The following AKAP12 variants were observed in gnomAD, a reference collection of about 807,000 sequenced individuals.
AKAP12 encodes the protein A-kinase anchoring protein 12, also known as A-kinase anchor protein 12.
Under a neutral mutation model 79.9 loss-of-function variants are expected in AKAP12, and 32 were observed. The observed-to-expected ratio is 0.40, with a 90% CI of 0.30 to 0.54. The LOEUF (loss-of-function observed/expected upper bound fraction) is 0.54. Ranked by LOEUF, AKAP12 falls within the 20% of genes least tolerant of loss-of-function variation. The pLI, the probability that AKAP12 is intolerant of heterozygous loss-of-function variation, is 0.48. For missense variants in AKAP12, 2,074 were observed against 2,177.0 expected (o/e 0.95, Z 0.94); for synonymous variants, 808 against 857.0 (o/e 0.94, Z 1.00).
At chr6:151,316,956 A>G (rs1350654853) in intron 3 of AKAP12, among the ~76,000 whole-genome samples, 1 of 152,158 alleles carries the variant, frequency 6.6e-6, no homozygotes, top group Non-Finnish European at 1.5e-5. Context: ...TGTTCTTATT[A>G]GGGCCCAGGC....
chr6:151,259,159 C>T (rs1184871547), intron 2 of AKAP12, among the ~76,000 whole-genome samples: 1 of 151,438 alleles, frequency 6.6e-6, no homozygotes, highest in Non-Finnish European at 1.5e-5. Flanking sequence ...ATTCTTGTGC[C>T]TCAGCTTCCC....
intron 2 of AKAP12, among the ~76,000 whole-genome samples, chr6:151,261,582 G>A (rs1291173922): frequency 1.3e-5 from 2 of 150,096 alleles, no homozygotes; most frequent in East Asian, 2.0e-4. Context: ...GTGCCTGTAA[G>A]CCCAGCTGCT....
At position 151,357,184 on chromosome 6, in the gene AKAP12, GTTT is replaced by G. The variant is rs1400086555; in HGVS notation, c.*1471_*1473del. The G allele has an allele frequency of 5.8e-4, 13 of 22,422 alleles. No homozygotes were observed. The highest frequency in any genetic ancestry group is 1.6e-3 in the African/African-American group (11 of 6,858). 1.4% of individuals were successfully genotyped at this position (22,422 alleles called of 1,614,324 possible). A position where few individuals can be genotyped will look rare whatever the true frequency, so the allele number is the denominator to read the frequency against. On this transcript the variant is annotated 3_prime_UTR_variant, in exon 5 of 5. Coordinates refer to ENST00000402676, the MANE Select transcript of AKAP12 (RefSeq NM_005100.4). Reference sequence around the variant, plus strand: ...TAATACATTGAGGGTTTGTTTTTTTGTTTGTTTGTTTGTTTGTTTTTGAGACAG... The same window carrying G: ...TAATACATTGAGGGTTTGTTTTTTTGGTTTGTTTGTTTGTTTTTGAGACAG...
At chr6:151,295,944 T>A (rs1479675405) in intron 2 of AKAP12, among the ~76,000 whole-genome samples, 2 of 152,208 alleles carry the variant, frequency 1.3e-5, no homozygotes, top group Non-Finnish European at 2.9e-5. Context: ...TCAGATGAAC[T>A]CAGTCGAGCT....
chr6:151,320,004 A>C (rs1777337494), intron 3 of AKAP12: 1 of 152,188 alleles, frequency 6.6e-6, no homozygotes, highest in Non-Finnish European at 1.5e-5. Flanking sequence ...TTAAAGAGAA[A>C]ATGAGAGGAG....
rs551017698 is a variant in AKAP12 at position 151,250,223 on chromosome 6, G to A, written c.162+9499G>A. 7.9e-5 allele frequency among the ~76,000 whole-genome samples: 12 copies of A among 152,266 alleles called. No homozygotes were observed. The South Asian group carries it at 2.5e-3, about 32-fold the overall frequency. On this transcript the variant is annotated intron_variant, in intron 2 of 4. Coordinates refer to ENST00000402676, the MANE Select transcript of AKAP12 (RefSeq NM_005100.4). ...TCAAAAAAATAAATAAATAGGCTGG[G>A]CGTTGTGGCTCACGCGTGTAATCCC...
At chr6:151,274,714 G>T (rs1413263781) in intron 2 of AKAP12, among the ~76,000 whole-genome samples, 4 of 152,152 alleles carry the variant, frequency 2.6e-5, no homozygotes, top group African/African-American at 9.7e-5. Flanking sequence ...TGAGTTGGGG[G>T]CATCTCACAA....
rs1205320509 is a variant in AKAP12 at position 151,352,681 on chromosome 6, C to T, written c.4290C>T (p.Val1430=). The T allele has an allele frequency of 1.2e-6, 2 of 1,614,166 alleles. No individual in the cohort carries two copies. Among genetic ancestry groups the T allele is most frequent in the Non-Finnish European group, 1.7e-6 (2 of 1,180,024 alleles). Residue 1430 remains valine, a synonymous_variant, in exon 4 of 5, where the codon GTC becomes GTT. Coordinates refer to ENST00000402676, the MANE Select transcript of AKAP12 (RefSeq NM_005100.4). ...CAGCGGCTGCAGAGGAGGAAAAGGT[C>T]TTAGGAGAAACTGCCAACATTTTAG... ...TLTAAAEEEK[V]LGETANILET... is the part of the protein sequence containing the mutation.
chr6:151,315,897 C>T (rs1777222768), intron 3 of AKAP12, among the ~76,000 whole-genome samples: 3 of 151,994 alleles, frequency 2.0e-5, no homozygotes, highest in African/African-American at 7.3e-5. Flanking sequence ...GGGAAGAACC[C>T]CTTATAAAAC....
Position 151,353,715 on chromosome 6 carries a change from C to T in AKAP12, c.5324C>T (p.Ala1775Val). 6.3e-7 allele frequency: 1 copy of T among 1,598,534 alleles called. No homozygotes were observed. Among genetic ancestry groups the T allele is most frequent in the Non-Finnish European group, 8.5e-7 (1 of 1,173,612 alleles). The change falls in exon 4 of 5, where the codon GCA becomes GTA. Residue 1775 changes from alanine (A) to valine (V), a missense_variant. Coordinates refer to ENST00000402676, the MANE Select transcript of AKAP12 (RefSeq NM_005100.4). ...TTACAGAAACAAGAGAGAGAATCTG[C>T]AAAGTCAGAACTTACAGAATCTTAA... ...EELQKQERES[A>V]KSELTES
At chr6:151,348,529 C>T (rs558166685) in intron 3 of AKAP12, 182 bp from the exon 4 acceptor site, 1 of 620,630 alleles carries the variant, frequency 1.6e-6, no homozygotes, top group South Asian at 1.8e-5. Flanking sequence ...GTCCCAGCTA[C>T]TCGGGATGCT....
rs568471230 is a variant in AKAP12 at position 151,342,802 on chromosome 6, G to A, written c.320-5909G>A. 9.2e-5 allele frequency among the ~76,000 whole-genome samples: 14 copies of A among 152,226 alleles called. 1 individual carries two copies. The South Asian group carries it at 2.7e-3, about 29-fold the overall frequency. ...GCTACCTTAGATACTGATGGCAGTCGCCCAGGCTGGAGTGCAGTAGTGTGA... is the reference window on the plus strand; with the variant it reads ...GCTACCTTAGATACTGATGGCAGTCACCCAGGCTGGAGTGCAGTAGTGTGA... On this transcript the variant is annotated intron_variant, in intron 3 of 4. Coordinates refer to ENST00000402676, the MANE Select transcript of AKAP12 (RefSeq NM_005100.4).
chr6:151,340,888 T>A (rs1373017219), intron 3 of AKAP12, among the ~76,000 whole-genome samples: 2 of 152,222 alleles, frequency 1.3e-5, no homozygotes, highest in Non-Finnish European at 2.9e-5. Flanking sequence ...AACATTTTGA[T>A]CAGCAGAGCT....
Position 151,350,201 on chromosome 6 carries a change from A to G in AKAP12, c.1810A>G (p.Arg604Gly). ...EGATSDGEKK[R>G]EGVTPWASFK... Reference sequence around the variant, plus strand: ...AGCTACTTCCGATGGAGAGAAAAAAAGAGAAGGTGTCACTCCCTGGGCATC... The same window carrying G: ...AGCTACTTCCGATGGAGAGAAAAAAGGAGAAGGTGTCACTCCCTGGGCATC... Residue 604 changes from arginine to glycine, a missense_variant, in exon 4 of 5, where the codon AGA becomes GGA. Arg to Gly is a moderately radical substitution (Grantham distance 125). Coordinates refer to ENST00000402676, the MANE Select transcript of AKAP12 (RefSeq NM_005100.4). This position sits in a 1 kb window ranked among gnomAD's most constrained non-coding sequence, Gnocchi z 4.8. The G allele has an allele frequency of 1.2e-6, 2 of 1,614,028 alleles. No individual in the cohort carries two copies. The highest frequency in any genetic ancestry group is 1.7e-6 in the Non-Finnish European group (2 of 1,179,982).
intron 3 of AKAP12, among the ~76,000 whole-genome samples, chr6:151,327,469 A>G (rs1025026833): frequency 6.6e-6 from 1 of 152,168 alleles, no homozygotes; most frequent in African/African-American, 2.4e-5. Context: ...GAAATATGCA[A>G]ATGTGTATTG....
At chr6:151,332,715 G>A (rs978483132) in intron 3 of AKAP12, among the ~76,000 whole-genome samples, 11 of 152,214 alleles carry the variant, frequency 7.2e-5, no homozygotes, top group African/African-American at 2.7e-4. Flanking sequence ...GAAAAGACCA[G>A]TGACTAGCAG....
intron 3 of AKAP12, among the ~76,000 whole-genome samples, chr6:151,320,897 C>T (rs965672485): frequency 6.6e-6 from 1 of 152,124 alleles, no homozygotes; most frequent in Non-Finnish European, 1.5e-5. Context: ...GCAGTTGACC[C>T]ATTTAAAGTA....
chr6:151,262,669 A>G (rs1442718760), intron 2 of AKAP12, among the ~76,000 whole-genome samples: 2 of 152,218 alleles, frequency 1.3e-5, no homozygotes, highest in Non-Finnish European at 2.9e-5. Context: ...GCAAGTGAAT[A>G]TCTGGCATGA....
intron 3 of AKAP12, among the ~76,000 whole-genome samples, chr6:151,333,950 C>T (rs1231110292): frequency 6.6e-6 from 1 of 151,796 alleles, no homozygotes; most frequent in Non-Finnish European, 1.5e-5. Flanking sequence ...GGGTCCTGGC[C>T]ACCTTTGACC....
Sources: gnomAD v4.1 joint callset for allele counts (sites outside exome capture counted in the v4.1 genomes callset) on GRCh38, gnomAD v4.1.1 for gene constraint, Gnocchi (gnomAD v3.1) non-coding constraint, MANE v1.5 for transcripts, NCBI Gene and HGNC (gene_info 2026-07-23, HGNC 2026-07-21) for gene names.